SVEP1: variants seen among roughly 807,000 people sequenced by gnomAD.
The protein encoded by SVEP1 is sushi, von Willebrand factor type A, EGF and pentraxin domain containing 1.
In SVEP1, 164 loss-of-function variants were observed where a neutral mutation model predicts 367.3. The ratio of observed to expected loss-of-function variants is 0.45; its 90% CI spans 0.39 to 0.51. The LOEUF is 0.51. Ranked by LOEUF, SVEP1 falls within the 20% of genes least tolerant of loss-of-function variation. The pLI is 0.00. For missense variants in SVEP1, 4,117 were observed against 4,425.3 expected, an observed-to-expected ratio of 0.93 and a Z score of 1.98; for synonymous variants, 1,666 against 1,611.6, an observed-to-expected ratio of 1.03 and a Z score of -0.81.
At position 110,408,918 on chromosome 9, in the gene SVEP1, T is replaced by C; in HGVS notation, c.6682A>G (p.Arg2228Gly). The C allele has an allele frequency of 2.5e-6, 4 of 1,598,576 alleles. No homozygotes were observed. The highest frequency in any genetic ancestry group is 3.4e-6 in the Non-Finnish European group (4 of 1,172,278). The change falls in exon 38 of 48, where the codon AGG becomes GGG. Residue 2228 changes from arginine (R) to glycine (G), a missense_variant. By Grantham distance (125) the Arg-to-Gly change is moderately radical (BLOSUM62 -2). Around this residue, in one of 4 missense-constraint regions of SVEP1, gnomAD observed 1,765 missense variants for 1,781.1 expected, o/e 0.99. Transcript: ENST00000374469. Reference protein sequence around the residue: ...TTGRIFESEVRYQCNPGYKSV... With the variant: ...TTGRIFESEVGYQCNPGYKSV... ...TTATAGCCCGGGTTACACTGATACC[T>C]CACTTCACTCTCAAAGATCCTGCCA...
At chr9:110,446,083 C>T in intron 25 of SVEP1, 45 bp from the exon 26 acceptor site, 1 of 1,530,890 alleles carries the variant, frequency 6.5e-7, no homozygotes, top group Non-Finnish European at 8.9e-7. Flanking sequence ...ACTTGAAAGA[C>T]ATTTCCAATT....
rs540266145 is a variant in SVEP1 at position 110,406,216 on chromosome 9, G to A, written c.9384C>T (p.Val3128=). The A allele has an allele frequency of 9.3e-6, 15 of 1,609,756 alleles. No individual in the cohort carries two copies. Among genetic ancestry groups the A allele is most frequent in the Admixed American group, 6.7e-5 (4 of 59,638 alleles). ...CCTCTCCAGTTGCCACTGCATTGGC[G>A]ACAGACGGTGGGGACCCACAGGACA... ...EPLSCGSPPS[V]ANAVATGEAH... Residue 3128 remains valine (V), a synonymous_variant, in exon 38 of 48, where the codon GTC becomes GTT. Coordinates refer to ENST00000374469, the MANE Select transcript of SVEP1 (RefSeq NM_153366.4).
intron 16 of SVEP1, among the ~76,000 whole-genome samples, chr9:110,470,767 G>T (rs1457698650): frequency 2.1e-5 from 3 of 142,866 alleles, no homozygotes; most frequent in African/African-American, 5.0e-5. Flanking sequence ...TATATATATA[G>T]AAAAATAAAT....
At position 110,443,611 on chromosome 9, in the gene SVEP1, T is replaced by C; in HGVS notation, c.4573A>G (p.Lys1525Glu). 1.2e-6 allele frequency: 2 copies of C among 1,613,428 alleles called. No individual in the cohort carries two copies. Among genetic ancestry groups the C allele is most frequent in the Non-Finnish European group, 1.7e-6 (2 of 1,179,678 alleles). ...GATAATTTCCCATCGATATAGACTT[T>C]CCAGATGCCATTGGCACTTGTCCAA... ...ITWTSANGIW[K>E]VYIDGKLSDG... Residue 1525 changes from lysine to glutamate, a missense_variant, in exon 27 of 48, where the codon AAA (lysine) becomes GAA (glutamate). Around this residue, in one of 4 missense-constraint regions of SVEP1, gnomAD observed 2,174 missense variants for 2,494.3 expected, o/e 0.87. Transcript: ENST00000374469.
rs28753170 is a variant in SVEP1, at chr9:110,396,230, A to G, written c.9822+4624T>C. ...CGCTCAACTACATGGAAACTGAACA[A>G]CCTGCTCCTGAATGACTACTGGGTA... On this transcript the variant is annotated intron_variant, in intron 40 of 47. Transcript: ENST00000374469. 6.0e-3 allele frequency among the ~76,000 whole-genome samples: 916 copies of G among 152,164 alleles called. 8 individuals are homozygous for G. The highest frequency in any genetic ancestry group is 0.021 in the African/African-American group (868 of 41,504).
intron 36 of SVEP1, among the ~76,000 whole-genome samples, chr9:110,415,768 G>A (rs1206552222): frequency 6.6e-6 from 1 of 152,026 alleles, no homozygotes; most frequent in Non-Finnish European, 1.5e-5. Context: ...TAGCTGAGCT[G>A]ACAAGAAAGG....
At chr9:110,440,120 A>T (rs17806688) in intron 27 of SVEP1, among the ~76,000 whole-genome samples, 1 of 152,180 alleles carries the variant, frequency 6.6e-6, no homozygotes. Context: ...TGATAATGCC[A>T]TTTCCTTTTG....
intron 8 of SVEP1, among the ~76,000 whole-genome samples, chr9:110,495,614 C>A (rs1829433952): frequency 6.6e-6 from 1 of 151,948 alleles, no homozygotes; most frequent in African/African-American, 2.4e-5. Flanking sequence ...TCTGCATCCC[C>A]CCCGCCGCCC....
chr9:110,573,311 C>A (rs1830587649), intron 1 of SVEP1, among the ~76,000 whole-genome samples: 1 of 152,144 alleles, frequency 6.6e-6, no homozygotes, highest in African/African-American at 2.4e-5. Context: ...CACAGATCTT[C>A]AGGGTTTGTT....
chr9:110,468,202 G>A (rs1390408027), intron 17 of SVEP1, among the ~76,000 whole-genome samples: 1 of 152,220 alleles, frequency 6.6e-6, no homozygotes, highest in Non-Finnish European at 1.5e-5. Flanking sequence ...CTTAGAGACA[G>A]CAATGGAATA....
chr9:110,382,276 G>A (rs1827450467), intron 43 of SVEP1, among the ~76,000 whole-genome samples: 1 of 152,028 alleles, frequency 6.6e-6, no homozygotes, highest in African/African-American at 2.4e-5. Context: ...CAGGCCTGGT[G>A]GTGATGAATT....
At chr9:110,525,438 A>C (rs532324185) in intron 3 of SVEP1, among the ~76,000 whole-genome samples, 196 of 152,326 alleles carry the variant, frequency 1.3e-3, no homozygotes, top group African/African-American at 4.6e-3. Context: ...CAAATATCTA[A>C]ATTAATATAT....
intron 19 of SVEP1, 115 bp from the exon 20 acceptor site, chr9:110,458,677 G>T: frequency 1.9e-6 from 2 of 1,066,654 alleles, no homozygotes; most frequent in Non-Finnish European, 2.7e-6. Context: ...CATATATTTT[G>T]TTTCACTTAT....
At chr9:110,427,916 G>A (rs1274801032) in intron 35 of SVEP1, among the ~76,000 whole-genome samples, 158 bp from the exon 36 acceptor site, 1 of 152,176 alleles carries the variant, frequency 6.6e-6, no homozygotes, top group Non-Finnish European at 1.5e-5. Flanking sequence ...GAAAGCAAGA[G>A]AAATCTAAAC....
intron 39 of SVEP1, among the ~76,000 whole-genome samples, chr9:110,401,719 C>CA (rs891442731): frequency 2.7e-5 from 4 of 149,832 alleles, no homozygotes; most frequent in Non-Finnish European, 5.9e-5. Flanking sequence ...AAGATTTCTG[C>CA]AAAAAAAAAT....
intron 10 of SVEP1, among the ~76,000 whole-genome samples, 191 bp from the exon 11 acceptor site, chr9:110,482,683 C>T (rs542906409): frequency 9.9e-5 from 15 of 152,248 alleles, no homozygotes; most frequent in East Asian, 3.9e-4. Flanking sequence ...TTTGCCACCA[C>T]GCCCAGCTAA....
Position 110,579,709 on chromosome 9 carries a change from A to G in SVEP1, c.-166T>C, listed in dbSNP as rs1830671716. The G allele has an allele frequency of 2.6e-6, 2 of 770,650 alleles. No homozygotes were observed. Among genetic ancestry groups the G allele is most frequent in the African/African-American group, 1.9e-5 (1 of 52,620 alleles). The allele number at this position is 770,650 out of a possible 1,614,324, so 47.7% of individuals were successfully genotyped here. A position where few individuals can be genotyped will look rare whatever the true frequency, so the allele number is the denominator to read the frequency against. Reference sequence around the variant, plus strand: ...GACACTGGGGACAGACACAATCCAGACTCCTCAGCAGCTCGGGAACTCCGG... The same window carrying G: ...GACACTGGGGACAGACACAATCCAGGCTCCTCAGCAGCTCGGGAACTCCGG... On this transcript the variant is annotated 5_prime_UTR_variant, in exon 1 of 48. Coordinates refer to ENST00000374469, the MANE Select transcript of SVEP1 (RefSeq NM_153366.4). This position sits in a 1 kb window ranked among gnomAD's most constrained non-coding sequence, Gnocchi z 5.3.
intron 18 of SVEP1, among the ~76,000 whole-genome samples, chr9:110,463,183 T>C (rs1269718810): frequency 1.4e-5 from 2 of 148,018 alleles, no homozygotes; most frequent in East Asian, 2.0e-4. Flanking sequence ...CTAAACATCA[T>C]CTTTTCTTCT....
intron 3 of SVEP1, among the ~76,000 whole-genome samples, chr9:110,545,145 T>C (rs575273694): frequency 1.3e-5 from 2 of 152,314 alleles, no homozygotes; most frequent in East Asian, 3.9e-4. Flanking sequence ...ATAGACCACA[T>C]TTTCTTTATC....
Sources: gnomAD v4.1 joint callset for allele counts (sites outside exome capture counted in the v4.1 genomes callset) on GRCh38, gnomAD v4.1.1 for gene constraint, gnomAD v4.1.1 regional missense constraint, Gnocchi (gnomAD v3.1) non-coding constraint, MANE v1.5 for transcripts, NCBI Gene and HGNC (gene_info 2026-07-23, HGNC 2026-07-21) for gene names.